The following SUGT1 variants were observed in gnomAD, a reference collection of about 807,000 sequenced individuals.
The protein encoded by SUGT1 is protein SGT1 homolog.
SUGT1 carries 15 observed loss-of-function variants against 56.1 expected under a neutral mutation model. That is an observed-to-expected ratio of 0.27 (90% CI 0.18 to 0.41). SUGT1 has a LOEUF of 0.41. Among genes scored for constraint, SUGT1 ranks in the 10% least tolerant of loss-of-function variants. The probability of loss-of-function intolerance (pLI) is 1.00; values close to 1 mark genes in which losing one functional copy is unlikely to be tolerated. For synonymous variants in SUGT1, 123 were observed against 128.6 expected (o/e 0.96, Z 0.30); for missense variants, 347 against 382.2 (o/e 0.91, Z 0.77).
At chr13:52,673,077 T>TA (rs1963003967) in intron 10 of SUGT1, among the ~76,000 whole-genome samples, 1 of 152,198 alleles carries the variant, frequency 6.6e-6, no homozygotes, top group South Asian at 2.1e-4. Flanking sequence ...AATGGTATGT[T>TA]AATGGTTGCA....
At chr13:52,660,404 A>G in intron 5 of SUGT1, among the ~76,000 whole-genome samples, 1 of 152,186 alleles carries the variant, frequency 6.6e-6, no homozygotes, top group Non-Finnish European at 1.5e-5. Flanking sequence ...GCTACTAAAT[A>G]TTCTATAATG....
intron 7 of SUGT1, among the ~76,000 whole-genome samples, chr13:52,663,623 C>T (rs899315082): frequency 3.3e-5 from 5 of 152,140 alleles, no homozygotes; most frequent in African/African-American, 1.2e-4. Context: ...TGTACACCAC[C>T]AAGCCTGGCT....
Position 52,691,683 on chromosome 13 carries a change from C to A in SUGT1, c.*3848C>A, listed in dbSNP as rs1329437639. Reference sequence around the variant, plus strand: ...CTTTGTAACTAGCTCTAAAGAAGTACATCTTTTGCTCATACCTGCTACTGT... The same window carrying A: ...CTTTGTAACTAGCTCTAAAGAAGTAAATCTTTTGCTCATACCTGCTACTGT... On this transcript the variant is annotated 3_prime_UTR_variant, in exon 13 of 13. Transcript: ENST00000310528. The A allele has an allele frequency of 6.6e-6, 1 of 152,150 alleles. No homozygotes were observed. The highest frequency in any genetic ancestry group is 1.5e-5 in the Non-Finnish European group (1 of 68,038). 9.4% of individuals were successfully genotyped at this position (152,150 alleles called of 1,614,324 possible).
In SUGT1 at chr13:52,682,865, T is replaced by C. The variant is rs546233890; in HGVS notation, c.900+2710T>C. ...TAACTCATTTGTCTTTCCATGTAAATTTTAGAATAAAGTGATTATATATAA... is the reference window on the plus strand; with the variant it reads ...TAACTCATTTGTCTTTCCATGTAAACTTTAGAATAAAGTGATTATATATAA... On this transcript the variant is annotated intron_variant, in intron 12 of 12. Coordinates refer to ENST00000310528, the MANE Select transcript of SUGT1 (RefSeq NM_006704.5). Among the ~76,000 whole-genome samples the C allele has an allele frequency of 3.2e-4, 48 of 152,344 alleles. No homozygotes were observed. In the Middle Eastern group the frequency reaches 0.01, roughly 32 times the overall value.
intron 2 of SUGT1, among the ~76,000 whole-genome samples, chr13:52,654,208 A>G (rs1458744208): frequency 6.6e-6 from 1 of 152,134 alleles, no homozygotes; most frequent in Non-Finnish European, 1.5e-5. Context: ...AAATATATAG[A>G]CCTTTAGATA....
At position 52,689,409 on chromosome 13, in the gene SUGT1, C is replaced by T. The variant is rs894104034; in HGVS notation, c.*1574C>T. The T allele has an allele frequency of 1.3e-5, 2 of 152,074 alleles. No individual in the cohort carries two copies. Among genetic ancestry groups the T allele is most frequent in the African/African-American group, 2.4e-5 (1 of 41,400 alleles). The allele number at this position is 152,074 out of a possible 1,614,324, so 9.4% of individuals were successfully genotyped here. ...TCTGTATGTTAAATTTTCTCAGTAC[C>T]ATTAATCCTAAGATGAAGAGGAAGG... On this transcript the variant is annotated 3_prime_UTR_variant, in exon 13 of 13. Coordinates refer to ENST00000310528, the MANE Select transcript of SUGT1 (RefSeq NM_006704.5).
At chr13:52,678,330 A>C (rs1156292992) in intron 11 of SUGT1, among the ~76,000 whole-genome samples, 1 of 152,126 alleles carries the variant, frequency 6.6e-6, no homozygotes, top group Non-Finnish European at 1.5e-5. Context: ...TGTTTTGAGG[A>C]GGAATGGGCA....
intron 8 of SUGT1, among the ~76,000 whole-genome samples, 170 bp from the exon 9 acceptor site, chr13:52,665,467 A>T (rs1292275832): frequency 6.6e-6 from 1 of 151,502 alleles, no homozygotes; most frequent in Non-Finnish European, 1.5e-5. Context: ...TTCCATTAGT[A>T]CAGAGCATAA....
At chr13:52,655,222 G>A (rs917817779) in intron 2 of SUGT1, among the ~76,000 whole-genome samples, 10 of 152,122 alleles carry the variant, frequency 6.6e-5, no homozygotes, top group African/African-American at 2.2e-4. Flanking sequence ...GTGGGCAGCC[G>A]TAATCAGCTA....
intron 5 of SUGT1, among the ~76,000 whole-genome samples, chr13:52,659,597 T>C (rs1011231047): frequency 3.3e-5 from 5 of 151,914 alleles, no homozygotes; most frequent in African/African-American, 1.2e-4. Context: ...TTCAGATTGC[T>C]GAGATGTGAA....
At chr13:52,666,258 G>T (rs933055615) in intron 9 of SUGT1, among the ~76,000 whole-genome samples, 3 of 152,010 alleles carry the variant, frequency 2.0e-5, no homozygotes, top group Non-Finnish European at 4.4e-5. Flanking sequence ...GCTAATTTTT[G>T]TAGAAACGGG....
At position 52,665,667 on chromosome 13, in the gene SUGT1, A is replaced by G. The variant is rs1163203036; in HGVS notation, c.453A>G (p.Val151=). ...KYDWYQTESQ[V]VITLMIKNVQ... ...ACTGGTATCAAACAGAATCTCAAGT[A>G]GTCATTACACTTATGATCAAGAATG... Residue 151 remains valine (V), a synonymous_variant, in exon 9 of 13, where the codon GTA becomes GTG. Coordinates refer to ENST00000310528, the MANE Select transcript of SUGT1 (RefSeq NM_006704.5). The G allele has an allele frequency of 1.9e-6, 3 of 1,602,462 alleles. No individual in the cohort carries two copies. The African/African-American group carries it at 4.0e-5, about 22-fold the overall frequency.
intron 10 of SUGT1, among the ~76,000 whole-genome samples, chr13:52,676,003 C>G (rs1963126105): frequency 6.6e-6 from 1 of 151,984 alleles, no homozygotes; most frequent in South Asian, 2.1e-4. Flanking sequence ...CAAGTCTCTT[C>G]TTGATTATAG....
Position 52,692,448 on chromosome 13 carries a change from C to T in SUGT1, c.*4613C>T, listed in dbSNP as rs1594265189. On this transcript the variant is annotated 3_prime_UTR_variant, in exon 13 of 13. Transcript: ENST00000310528. ...TTTTTTTGAGACAGTCTCACTCTGT[C>T]GTTCAGGGAAGGAATGCAGTGGTGC... 1 of 11,752 alleles carries T rather than the reference C, an allele frequency of 8.5e-5. No homozygotes were observed. The highest frequency in any genetic ancestry group is 4.3e-4 in the African/African-American group (1 of 2,340). The allele number at this position is 11,752 out of a possible 1,614,324, so 0.7% of individuals were successfully genotyped here.
intron 8 of SUGT1, 90 bp downstream of exon 8, chr13:52,664,147 ATG>A: frequency 7.5e-7 from 1 of 1,333,532 alleles, no homozygotes; most frequent in Non-Finnish European, 1.0e-6. Flanking sequence ...AATTCTTACC[ATG>A]TGATTTTTAA....
chr13:52,672,406 G>C (rs1173939165), intron 10 of SUGT1, among the ~76,000 whole-genome samples: 2 of 152,276 alleles, frequency 1.3e-5, no homozygotes, highest in East Asian at 3.9e-4. Context: ...GAAATGAGCT[G>C]TTAGAAGTTT....
chr13:52,661,197 G>T (rs1199222243), intron 5 of SUGT1, among the ~76,000 whole-genome samples: 1 of 152,158 alleles, frequency 6.6e-6, no homozygotes, highest in Non-Finnish European at 1.5e-5. Context: ...TTCAGAGGAA[G>T]ACCTGTTTGG....
At chr13:52,656,455 T>TTAC (rs1192040909) in intron 2 of SUGT1, among the ~76,000 whole-genome samples, 1 of 152,206 alleles carries the variant, frequency 6.6e-6, no homozygotes, top group Admixed American at 6.5e-5. Context: ...GATAATGTAT[T>TTAC]TACCATACTG....
intron 12 of SUGT1, among the ~76,000 whole-genome samples, chr13:52,686,037 C>A (rs905434736): frequency 6.6e-6 from 1 of 152,180 alleles, no homozygotes; most frequent in Admixed American, 6.5e-5. Context: ...AAGTGATTCT[C>A]GTGACTCAGC....
Sources: gnomAD v4.1 joint callset for allele counts (sites outside exome capture counted in the v4.1 genomes callset) on GRCh38, gnomAD v4.1.1 for gene constraint, MANE v1.5 for transcripts, NCBI Gene and HGNC (gene_info 2026-07-23, HGNC 2026-07-21) for gene names.